NEK8: variants seen among roughly 807,000 people sequenced by gnomAD.
The protein encoded by NEK8 is serine/threonine-protein kinase Nek8.
Under a neutral mutation model 77.2 loss-of-function variants are expected in NEK8, and 51 were observed. The observed-to-expected ratio is 0.66, with a 90% CI of 0.53 to 0.83. The LOEUF is 0.83. Among genes scored for constraint, NEK8 ranks in the 40% least tolerant of loss-of-function variants. The pLI, the probability that NEK8 is intolerant of heterozygous loss-of-function variation, is 0.00. For synonymous variants in NEK8, 365 were observed against 363.2 expected (o/e 1.00, Z -0.06); for missense variants, 787 against 909.2 (o/e 0.87, Z 1.73).
In NEK8 at chr17:28,742,470, T is replaced by A. The variant is rs1170135795; in HGVS notation, c.*483T>A. On this transcript the variant is annotated 3_prime_UTR_variant, in exon 15 of 15. Coordinates refer to ENST00000268766, the MANE Select transcript of NEK8 (RefSeq NM_178170.3). ...TTAGCTGGGCGTGGTGGCACGCGCC[T>A]GTAGTCCCAGCTGCTCAGGAGGCTG... 4.6e-6 allele frequency: 1 copy of A among 218,634 alleles called. No individual in the cohort carries two copies. The highest frequency in any genetic ancestry group is 9.4e-6 in the Non-Finnish European group (1 of 106,424). The allele number at this position is 218,634 out of a possible 1,614,324, so 13.5% of individuals were successfully genotyped here.
At position 28,734,880 on chromosome 17, in the gene NEK8, C is replaced by T; in HGVS notation, c.362C>T (p.Thr121Ile). Residue 121 changes from threonine (T) to isoleucine (I), a missense_variant, in exon 3 of 15, where the codon ACC (threonine) becomes ATC (isoleucine). This residue lies in a region of NEK8 where 271 missense variants were observed against 365.1 expected (regional missense o/e 0.74). Transcript: ENST00000268766. ...QILLALHHVH[T>I]HLILHRDLKT... The stretch of plus-strand genomic sequence containing the variant: ...CTGCTTGCACTGCATCATGTGCACA[C>T]CCACCTCATCCTGCACCGAGACCTC... 1 of 1,613,644 alleles carries T rather than the reference C, an allele frequency of 6.2e-7. No homozygotes were observed. Among genetic ancestry groups the T allele is most frequent in the South Asian group, 1.1e-5 (1 of 91,064 alleles).
chr17:28,733,485 G>A (rs1037928779), intron 1 of NEK8, among the ~76,000 whole-genome samples: 7 of 152,182 alleles, frequency 4.6e-5, no homozygotes, highest in Non-Finnish European at 8.8e-5. Context: ...TGGGGTTATT[G>A]TGGTGAACAA....
chr17:28,740,314 G>T lies in NEK8; in HGVS notation c.1418-149G>T, dbSNP rs1332249764. 1.5e-5 allele frequency: 10 copies of T among 682,582 alleles called. No individual in the cohort carries two copies. The highest frequency in any genetic ancestry group is 1.3e-5 in the Non-Finnish European group (5 of 382,160). 42.3% of individuals were successfully genotyped at this position (682,582 alleles called of 1,614,324 possible). A position where few individuals can be genotyped will look rare whatever the true frequency, so the allele number is the denominator to read the frequency against. On this transcript the variant is annotated intron_variant, in intron 10 of 14. Coordinates refer to ENST00000268766, the MANE Select transcript of NEK8 (RefSeq NM_178170.3). This position sits in a 1 kb window ranked among gnomAD's most constrained non-coding sequence, Gnocchi z 4.7. ...ATAAAAATAAAAAATAAAGAAGGAG[G>T]ATTTTAACCAGCAGAGGGGCCTAGG...
intron 3 of NEK8, 49 bp from the exon 4 acceptor site, chr17:28,735,191 C>T (rs928092875): frequency 1.2e-6 from 2 of 1,612,074 alleles, no homozygotes; most frequent in African/African-American, 1.3e-5. Context: ...GCACAGAGCC[C>T]CTGGTCTTCC....
rs754173955 is a variant in NEK8, at chr17:28,741,543, C to A, written c.2022C>A (p.Cys674Ter). The change falls in exon 14 of 15, where the codon TGC becomes TGA. Residue 674 changes from cysteine to a stop codon, truncating the protein, a stop_gained. Transcript: ENST00000268766. LOFTEE classifies it high-confidence loss of function. This position sits in a 1 kb window ranked among gnomAD's most constrained non-coding sequence, Gnocchi z 4.5. The stretch of plus-strand genomic sequence containing the variant: ...ACACGGTGACTTCCGTGTCCTGTTG[C>A]CATGGAAACACCCTCCTGGCTGTTC... The part of the protein sequence containing the change: ...HPYTVTSVSC[C>*]HGNTLLAVRS... 1 of 1,614,118 alleles carries A rather than the reference C, an allele frequency of 6.2e-7. No individual in the cohort carries two copies. The highest frequency in any genetic ancestry group is 1.1e-5 in the South Asian group (1 of 91,080).
rs1380617820 is a variant in NEK8, at chr17:28,741,449, G to T, written c.1928G>T (p.Gly643Val). 1 of 1,614,162 alleles carries T rather than the reference G, an allele frequency of 6.2e-7. No homozygotes were observed. Among genetic ancestry groups the T allele is most frequent in the Admixed American group, 1.7e-5 (1 of 60,022 alleles). Residue 643 changes from glycine (G) to valine (V), a missense_variant, in exon 14 of 15, where the codon GGT becomes GTT. By Grantham distance (109) the Gly-to-Val change is moderately radical. Transcript: ENST00000268766. The surrounding 1 kb of genome is among the most constrained non-coding windows in gnomAD (Gnocchi z 4.5). ...EVYSWGKGARGRLGRRDEDAG... is the reference protein window; with the variant it reads ...EVYSWGKGARVRLGRRDEDAG... ...TACTCTTGGGGCAAAGGGGCGCGAG[G>T]TCGATTGGGAAGGAGGGATGAGGAT...
At chr17:28,735,772 A>G (rs901973389) in intron 4 of NEK8, among the ~76,000 whole-genome samples, 1 of 149,446 alleles carries the variant, frequency 6.7e-6, no homozygotes, top group Non-Finnish European at 1.5e-5. Flanking sequence ...GTTATTGTTT[A>G]TTTATTTATT....
At position 28,741,076 on chromosome 17, in the gene NEK8, A is replaced by G. The variant is rs2034416374; in HGVS notation, c.1733-2A>G. ...CACCCCTTTCCTTCCTCTCCCCCAT[A>G]GCCTCGGGTGATTGCTACACTTTTG... On this transcript the variant is annotated splice_acceptor_variant, in intron 12 of 14. Coordinates refer to ENST00000268766, the MANE Select transcript of NEK8 (RefSeq NM_178170.3). LOFTEE classifies it high-confidence loss of function. This position sits in a 1 kb window ranked among gnomAD's most constrained non-coding sequence, Gnocchi z 4.5. The G allele has an allele frequency of 6.2e-7, 1 of 1,614,118 alleles. No homozygotes were observed.
chr17:28,736,241 G>T (rs2034364546), intron 4 of NEK8, among the ~76,000 whole-genome samples: 2 of 152,292 alleles, frequency 1.3e-5, no homozygotes, highest in South Asian at 4.1e-4. Flanking sequence ...ACATACGTGT[G>T]CATGTGTCTT....
chr17:28,731,908 A>ATTTTTTTTTT (rs71135844), intron 1 of NEK8, among the ~76,000 whole-genome samples: 8 of 52,530 alleles, frequency 1.5e-4, no homozygotes, highest in East Asian at 6.0e-4. Context: ...CCTGGCCCCA[A>ATTTTTTTTTT]TTTTTTTTTT....
chr17:28,736,035 T>C (rs1363862919), intron 4 of NEK8, among the ~76,000 whole-genome samples: 2 of 151,698 alleles, frequency 1.3e-5, no homozygotes, highest in Non-Finnish European at 2.9e-5. Flanking sequence ...TGTTTGGTTT[T>C]TTGTCCTTGC....
At position 28,742,365 on chromosome 17, in the gene NEK8, G is replaced by A. The variant is rs1018639615; in HGVS notation, c.*378G>A. 4.2e-5 allele frequency: 15 copies of A among 353,184 alleles called. No individual in the cohort carries two copies. Among genetic ancestry groups the A allele is most frequent in the African/African-American group, 1.5e-4 (7 of 47,108 alleles). 21.9% of individuals were successfully genotyped at this position (353,184 alleles called of 1,614,324 possible). On this transcript the variant is annotated 3_prime_UTR_variant, in exon 15 of 15. Coordinates refer to ENST00000268766, the MANE Select transcript of NEK8 (RefSeq NM_178170.3). ...TCCCAGCACTTTGGGAGGCTGAGGCGGGCGGATCACGAGGTCAGGAGATCG... is the reference window on the plus strand; with the variant it reads ...TCCCAGCACTTTGGGAGGCTGAGGCAGGCGGATCACGAGGTCAGGAGATCG...
At position 28,740,581 on chromosome 17, in the gene NEK8, G is replaced by C. The variant is rs763371587; in HGVS notation, c.1536G>C (p.Val512=). 6.2e-7 allele frequency: 1 copy of C among 1,614,176 alleles called. No homozygotes were observed. Among genetic ancestry groups the C allele is most frequent in the Non-Finnish European group, 8.5e-7 (1 of 1,180,022 alleles). Residue 512 remains valine (V), a synonymous_variant, in exon 11 of 15, where the codon GTG becomes GTC. Coordinates refer to ENST00000268766, the MANE Select transcript of NEK8 (RefSeq NM_178170.3). This position sits in a 1 kb window ranked among gnomAD's most constrained non-coding sequence, Gnocchi z 4.7. The stretch of plus-strand genomic sequence containing the variant: ...TCGATTCCTCCATGATCCTCACTGT[G>C]CCTGGCCAAGCCCTAGCCTGTGGGA... ...CGIDSSMILT[V]PGQALACGSN... is the part of the protein sequence containing the mutation.
intron 3 of NEK8, 102 bp from the exon 4 acceptor site, chr17:28,735,138 C>G: frequency 6.4e-7 from 1 of 1,568,814 alleles, no homozygotes; most frequent in Non-Finnish European, 8.7e-7. Flanking sequence ...GGAGGAAGCC[C>G]CTTGGCTTGC....
chr17:28,738,718 G>C lies in NEK8; in HGVS notation c.1270G>C (p.Gly424Arg), dbSNP rs1202817787. The change falls in exon 9 of 15, where the codon GGC becomes CGC. Residue 424 changes from glycine to arginine, a missense_variant. Transcript: ENST00000268766. The part of the protein sequence containing the change: ...TFGSGSNGCL[G>R]HGSLTDISQP... ...CGGCAGCGGCAGCAATGGGTGCCTAGGCCATGGCAGCCTCACTGACATCAG... is the reference window on the plus strand; with the variant it reads ...CGGCAGCGGCAGCAATGGGTGCCTACGCCATGGCAGCCTCACTGACATCAG... The C allele has an allele frequency of 6.2e-7, 1 of 1,614,036 alleles. No homozygotes were observed. Among genetic ancestry groups the C allele is most frequent in the East Asian group, 2.2e-5 (1 of 44,900 alleles).
intron 1 of NEK8, among the ~76,000 whole-genome samples, chr17:28,731,695 C>G (rs1224749939): frequency 6.7e-6 from 1 of 149,656 alleles, no homozygotes; most frequent in Non-Finnish European, 1.5e-5. Flanking sequence ...GCTCCGCCTC[C>G]CAGGTTCACG....
intron 4 of NEK8, among the ~76,000 whole-genome samples, chr17:28,735,965 C>T (rs1423790919): frequency 7.1e-6 from 1 of 140,216 alleles, no homozygotes; most frequent in African/African-American, 2.7e-5. Context: ...TGTGATGTTC[C>T]CCTTCCTGTG....
At chr17:28,733,420 C>T (rs1006457761) in intron 1 of NEK8, among the ~76,000 whole-genome samples, 7 of 152,202 alleles carry the variant, frequency 4.6e-5, no homozygotes, top group African/African-American at 1.7e-4. Context: ...ATAGTCCACT[C>T]ATTCAACAAA....
chr17:28,738,807 G>T lies in NEK8; in HGVS notation c.1299+60G>T, dbSNP rs1331528049. 3.7e-6 allele frequency: 5 copies of T among 1,356,934 alleles called. No homozygotes were observed. The Admixed American group carries it at 8.4e-5, about 23-fold the overall frequency. 84.1% of individuals were successfully genotyped at this position (1,356,934 alleles called of 1,614,324 possible). On this transcript the variant is annotated intron_variant, in intron 9 of 14. Coordinates refer to ENST00000268766, the MANE Select transcript of NEK8 (RefSeq NM_178170.3). ...GGGGGATGGCGGGGAGCCCACATCT[G>T]TGAGTTGACACCAGATTGGGGGCAG... is the stretch of plus-strand genomic sequence containing the variant.
Sources: gnomAD v4.1 joint callset for allele counts (sites outside exome capture counted in the v4.1 genomes callset) on GRCh38, gnomAD v4.1.1 for gene constraint, gnomAD v4.1.1 regional missense constraint, Gnocchi (gnomAD v3.1) non-coding constraint, MANE v1.5 for transcripts, NCBI Gene and HGNC (gene_info 2026-07-23, HGNC 2026-07-21) for gene names.